Variants in DDX10 observed in about 807,000 individuals in gnomAD.
DDX10 encodes DEAD-box helicase 10, also known as probable ATP-dependent RNA helicase DDX10.
In DDX10, 74 loss-of-function variants were observed where a neutral mutation model predicts 104.3. The observed-to-expected ratio is 0.71, with a 90% confidence interval of 0.59 to 0.86. The LOEUF is 0.86. Ranked by LOEUF, DDX10 falls within the 40% of genes least tolerant of loss-of-function variation. DDX10 has a pLI of 0.00. For synonymous variants in DDX10, 351 were observed against 353.4 expected, an observed-to-expected ratio of 0.99 and a Z score of 0.08; for missense variants, 952 against 1,040.0, an observed-to-expected ratio of 0.92 and a Z score of 1.16.
chr11:108,796,618 A>G (rs1861944679), intron 13 of DDX10, among the ~76,000 whole-genome samples: 1 of 152,208 alleles, frequency 6.6e-6, no homozygotes, highest in Non-Finnish European at 1.5e-5. Context: ...CTTTATTCAC[A>G]TTCTTAATAT....
At chr11:108,720,064 G>A (rs544428730) in intron 12 of DDX10, among the ~76,000 whole-genome samples, 179 bp downstream of exon 12, 17 of 152,188 alleles carry the variant, frequency 1.1e-4, no homozygotes, top group African/African-American at 2.9e-4. Context: ...CACCACACCC[G>A]GCCAGAGAGA....
intron 13 of DDX10, among the ~76,000 whole-genome samples, chr11:108,805,581 A>C (rs1451199606): frequency 6.6e-6 from 1 of 152,048 alleles, no homozygotes; most frequent in Non-Finnish European, 1.5e-5. Flanking sequence ...GAACATTTTC[A>C]TTTTTTATTT....
At chr11:108,849,209 G>T (rs945551412) in intron 15 of DDX10, among the ~76,000 whole-genome samples, 2 of 152,000 alleles carry the variant, frequency 1.3e-5, no homozygotes, top group African/African-American at 4.8e-5. Flanking sequence ...TCTTTCTCTT[G>T]CTTACTTTTG....
chr11:108,705,676 C>T (rs1158434479), intron 9 of DDX10, among the ~76,000 whole-genome samples: 1 of 152,190 alleles, frequency 6.6e-6, no homozygotes, highest in African/African-American at 2.4e-5. Context: ...ATTTGCTTCT[C>T]ACATTTTATA....
At chr11:108,917,638 T>C (rs1863768504) in intron 16 of DDX10, among the ~76,000 whole-genome samples, 1 of 152,196 alleles carries the variant, frequency 6.6e-6, no homozygotes, top group South Asian at 2.1e-4. Flanking sequence ...GTATTGTGTT[T>C]AAAGGACTGA....
At chr11:108,683,421 C>T (rs1193990263) in intron 6 of DDX10, among the ~76,000 whole-genome samples, 1 of 152,196 alleles carries the variant, frequency 6.6e-6, no homozygotes, top group Non-Finnish European at 1.5e-5. Flanking sequence ...TTGCAATCAG[C>T]AAATGCTTTT....
At chr11:108,818,054 G>A (rs926779824) in intron 13 of DDX10, among the ~76,000 whole-genome samples, 3 of 152,112 alleles carry the variant, frequency 2.0e-5, no homozygotes, top group East Asian at 1.9e-4. Context: ...AAGAAACAAC[G>A]CCACGATATA....
At chr11:108,770,082 A>C (rs2094361064) in intron 13 of DDX10, among the ~76,000 whole-genome samples, 1 of 152,248 alleles carries the variant, frequency 6.6e-6, no homozygotes, top group African/African-American at 2.4e-5. Context: ...GGTGTTAAGA[A>C]AATCTGGCCT....
At chr11:108,866,715 T>C (rs971069912) in intron 16 of DDX10, among the ~76,000 whole-genome samples, 2 of 152,194 alleles carry the variant, frequency 1.3e-5, no homozygotes, top group African/African-American at 4.8e-5. Context: ...TGCTAAGGCA[T>C]GTCATTTAGT....
At chr11:108,888,615 T>C (rs1863333095) in intron 16 of DDX10, among the ~76,000 whole-genome samples, 1 of 152,170 alleles carries the variant, frequency 6.6e-6, no homozygotes, top group Admixed American at 6.5e-5. Context: ...TATTTTTGAC[T>C]AGGGATTATG....
chr11:108,752,252 CT>C (rs771827052), intron 13 of DDX10, among the ~76,000 whole-genome samples: 6 of 152,130 alleles, frequency 3.9e-5, no homozygotes, highest in Non-Finnish European at 8.8e-5. Context: ...CAAGTTTAAT[CT>C]GAGGTTAAAC....
At chr11:108,912,028 T>C (rs186856373) in intron 16 of DDX10, among the ~76,000 whole-genome samples, 54 of 152,346 alleles carry the variant, frequency 3.5e-4, no homozygotes, top group African/African-American at 1.3e-3. Flanking sequence ...AAATATATTA[T>C]GTACCTGTCT....
At chr11:108,740,663 A>G (rs1170098155) in intron 13 of DDX10, among the ~76,000 whole-genome samples, 1 of 151,686 alleles carries the variant, frequency 6.6e-6, no homozygotes, top group Middle Eastern at 3.4e-3. Context: ...TTTTTTTTAC[A>G]TTTTAATCTC....
chr11:108,710,736 G>C (rs970127320), intron 10 of DDX10, among the ~76,000 whole-genome samples: 2 of 152,160 alleles, frequency 1.3e-5, no homozygotes, highest in Non-Finnish European at 2.9e-5. Context: ...CTAACTGTAA[G>C]TGCCTGTCAG....
intron 13 of DDX10, among the ~76,000 whole-genome samples, chr11:108,749,088 A>G (rs7395967): frequency 1.4e-5 from 2 of 147,150 alleles, no homozygotes; most frequent in Admixed American, 1.4e-4. Context: ...CTCTCTCTCT[A>G]TATATATATT....
At chr11:108,730,086 CTCT>C (rs1382562163) in intron 13 of DDX10, 1 of 152,446 alleles carries the variant, frequency 6.6e-6, no homozygotes, top group East Asian at 1.9e-4. Flanking sequence ...ATGGCTGATG[CTCT>C]TCTGCCTCCA....
chr11:108,668,018 G>C (rs780611553), intron 1 of DDX10, among the ~76,000 whole-genome samples: 4 of 152,220 alleles, frequency 2.6e-5, no homozygotes, highest in African/African-American at 4.8e-5. Context: ...TCCTTGAATA[G>C]GTGCTCAGTC....
intron 13 of DDX10, among the ~76,000 whole-genome samples, chr11:108,828,454 C>T (rs946822215): frequency 1.2e-4 from 19 of 152,306 alleles, no homozygotes; most frequent in African/African-American, 3.6e-4. Flanking sequence ...TCTCCAGTTC[C>T]ATCCAGGTTG....
intron 16 of DDX10, among the ~76,000 whole-genome samples, chr11:108,855,995 G>A (rs982813634): frequency 1.3e-5 from 2 of 152,140 alleles, no homozygotes; most frequent in Non-Finnish European, 2.9e-5. Flanking sequence ...GGTTTGTACT[G>A]TGTTTTTATT....
Sources: gnomAD v4.1 joint callset for allele counts (sites outside exome capture counted in the v4.1 genomes callset) on GRCh38, gnomAD v4.1.1 for gene constraint, MANE v1.5 for transcripts, NCBI Gene and HGNC (gene_info 2026-07-23, HGNC 2026-07-21) for gene names.